The following CACNA1G variants were observed in gnomAD, a reference collection of about 807,000 sequenced individuals.
CACNA1G encodes the protein voltage-dependent T-type calcium channel subunit alpha-1G.
In CACNA1G, 67 loss-of-function variants were observed where a neutral mutation model predicts 219.4. The observed-to-expected ratio is 0.31, with a 90% CI of 0.25 to 0.37. CACNA1G has a LOEUF of 0.37. Among genes scored for constraint, CACNA1G ranks in the 10% least tolerant of loss-of-function variants. CACNA1G has a pLI of 1.00. For missense variants in CACNA1G, 2,380 were observed against 3,231.4 expected (o/e 0.74, Z 6.39); for synonymous variants, 1,296 against 1,345.3 (o/e 0.96, Z 0.80).
intron 1 of CACNA1G, among the ~76,000 whole-genome samples, chr17:50,564,125 A>AGTGTGTGTGTGTGTGTGTGTGTGT (rs67152102): frequency 2.2e-4 from 31 of 138,700 alleles, no homozygotes; most frequent in Admixed American, 7.0e-4. Context: ...CCAGGTAGGA[A>AGTGTGTGTGTGTGTGTGTGTGTGT]GTGTGTGTGT....
intron 19 of CACNA1G, among the ~76,000 whole-genome samples, chr17:50,602,541 C>T (rs1371391039): frequency 1.3e-5 from 2 of 152,210 alleles, no homozygotes; most frequent in Non-Finnish European, 2.9e-5. Flanking sequence ...CACAGCACTG[C>T]AGTGCAGATC....
chr17:50,561,465 C>A lies in CACNA1G; in HGVS notation c.6C>A (p.Asp2Glu). The change falls in exon 1 of 38, where the codon GAC (aspartate) becomes GAA (glutamate). Residue 2 changes from aspartate to glutamate, a missense_variant. This residue lies in a region of CACNA1G where 98 missense variants were observed against 85.5 expected (regional missense o/e 1.15). Transcript: ENST00000359106. ...GGGCCCCGGCTGGCCAGAGGATGGA[C>A]GAGGAGGAGGATGGAGCGGGCGCCG... is the stretch of plus-strand genomic sequence containing the variant. MDEEEDGAGAEE... is the reference protein window; with the variant it reads MEEEEDGAGAEE... 1 of 1,534,330 alleles carries A rather than the reference C, an allele frequency of 6.5e-7. No individual in the cohort carries two copies. Among genetic ancestry groups the A allele is most frequent in the Non-Finnish European group, 8.7e-7 (1 of 1,146,512 alleles).
chr17:50,577,766 T>C (rs1439531835), intron 8 of CACNA1G, among the ~76,000 whole-genome samples: 3 of 152,046 alleles, frequency 2.0e-5, no homozygotes, highest in Non-Finnish European at 4.4e-5. Flanking sequence ...TGCACGTGTC[T>C]GGTGTGGGTG....
At chr17:50,569,472 A>G (rs2144647286) in intron 3 of CACNA1G, among the ~76,000 whole-genome samples, 174 bp downstream of exon 3, 1 of 151,704 alleles carries the variant, frequency 6.6e-6, no homozygotes, top group East Asian at 2.0e-4. Flanking sequence ...CCTATATTCT[A>G]AATTCCAAGG....
intron 28 of CACNA1G, among the ~76,000 whole-genome samples, chr17:50,616,928 C>A (rs1221198105): frequency 6.6e-6 from 1 of 152,156 alleles, no homozygotes; most frequent in Non-Finnish European, 1.5e-5. Flanking sequence ...GCAGCCTTGA[C>A]CTCCTGAGTT....
chr17:50,576,316 A>C lies in CACNA1G; in HGVS notation c.1914A>C (p.Thr638=). 6.4e-7 allele frequency: 1 copy of C among 1,570,972 alleles called. No homozygotes were observed. The highest frequency in any genetic ancestry group is 8.6e-7 in the Non-Finnish European group (1 of 1,158,340). The change falls in exon 8 of 38, where the codon ACA becomes ACC. Residue 638 remains threonine (T), a synonymous_variant. Transcript: ENST00000359106. Reference sequence around the variant, plus strand: ...GCTCCATGCACAAGCTGCTGGAGACACAGAGTACAGGTGAGAACTCTGGGT... The same window carrying C: ...GCTCCATGCACAAGCTGCTGGAGACCCAGAGTACAGGTGAGAACTCTGGGT... ...PYSSMHKLLE[T]QSTGACQSSC...
At chr17:50,592,138 C>T (rs775697732) in intron 13 of CACNA1G, 46 bp downstream of exon 13, 23 of 1,558,504 alleles carry the variant, frequency 1.5e-5, no homozygotes, top group Non-Finnish European at 2.0e-5. Flanking sequence ...AGCAGTCCCA[C>T]TTCCAATTGG....
intron 1 of CACNA1G, among the ~76,000 whole-genome samples, chr17:50,566,138 C>T (rs2037774969): frequency 6.6e-6 from 1 of 152,328 alleles, no homozygotes; most frequent in African/African-American, 2.4e-5. Context: ...AAGACAACAG[C>T]CTCAGTCAGG....
rs2041131106 is a variant in CACNA1G, at chr17:50,578,160, GC to G, written c.1925-26del. 1 of 1,516,850 alleles carries G rather than the reference GC, an allele frequency of 6.6e-7. No individual in the cohort carries two copies. Among genetic ancestry groups the G allele is most frequent in the Non-Finnish European group, 8.8e-7 (1 of 1,134,954 alleles). 94.0% of individuals were successfully genotyped at this position (1,516,850 alleles called of 1,614,324 possible). ...GTAGCCCCAGGTACGAGACTCTGGA[GC>G]CTCTCACCTCTACTCTCCTGTTCCA... is the stretch of plus-strand genomic sequence containing the variant. On this transcript the variant is annotated intron_variant, in intron 8 of 37. Transcript: ENST00000359106. The surrounding 1 kb of genome is among the most constrained non-coding windows in gnomAD (Gnocchi z 4.5).
chr17:50,588,882 T>C (rs2043568733), intron 9 of CACNA1G, among the ~76,000 whole-genome samples: 1 of 152,206 alleles, frequency 6.6e-6, no homozygotes, highest in Non-Finnish European at 1.5e-5. Context: ...TTGTTCCGAG[T>C]CTTTTCACCT....
intron 34 of CACNA1G, among the ~76,000 whole-genome samples, chr17:50,620,809 A>G (rs1046615851): frequency 6.6e-6 from 1 of 152,262 alleles, no homozygotes; most frequent in Non-Finnish European, 1.5e-5. Flanking sequence ...TAGAATGATC[A>G]GTGGGAAAGT....
rs148691244 is a variant in CACNA1G, at chr17:50,612,526, G to A, written c.4759+2591G>A. ...TCACCCTCTTTCCTTCCACCAGGCC[G>A]GGACCCAGTGATCAGGCCTGGCCAC... On this transcript the variant is annotated intron_variant, in intron 26 of 37. Coordinates refer to ENST00000359106, the MANE Select transcript of CACNA1G (RefSeq NM_018896.5). Among the ~76,000 whole-genome samples, 577 of 152,326 alleles carry A rather than the reference G, an allele frequency of 3.8e-3. 6 individuals carry two copies. Among genetic ancestry groups the A allele is most frequent in the African/African-American group, 0.013 (531 of 41,574 alleles).
At chr17:50,579,200 C>T (rs1241213387) in intron 9 of CACNA1G, among the ~76,000 whole-genome samples, 1 of 152,076 alleles carries the variant, frequency 6.6e-6, no homozygotes, top group Non-Finnish European at 1.5e-5. Context: ...ATTCTAAGAA[C>T]CGGGATGTTT....
In CACNA1G at chr17:50,560,824, T is replaced by TGCG. The variant is rs1340540521; in HGVS notation, c.-627_-625dup. On this transcript the variant is annotated 5_prime_UTR_variant, in exon 1 of 38. Transcript: ENST00000359106. Reference sequence around the variant, plus strand: ...CGGCAGCGGCAGCCACCGCGGCGGCTGCGGCGGCGGCATCTCCGCCTCCAC... The same window carrying TGCG: ...CGGCAGCGGCAGCCACCGCGGCGGCTGCGGCGGCGGCGGCATCTCCGCCTCCAC... Among the ~76,000 whole-genome samples, 1 of 152,030 alleles carries TGCG rather than the reference T, an allele frequency of 6.6e-6. No individual in the cohort carries two copies. The highest frequency in any genetic ancestry group is 6.5e-5 in the Admixed American group (1 of 15,276).
intron 9 of CACNA1G, among the ~76,000 whole-genome samples, chr17:50,589,747 G>A (rs2043801972): frequency 6.6e-6 from 1 of 152,224 alleles, no homozygotes; most frequent in South Asian, 2.1e-4. Flanking sequence ...CACAGAGTGA[G>A]TGACAGGATA....
intron 9 of CACNA1G, among the ~76,000 whole-genome samples, chr17:50,587,127 C>T (rs961601581): frequency 1.3e-5 from 2 of 152,118 alleles, no homozygotes; most frequent in Non-Finnish European, 2.9e-5. Flanking sequence ...AGTTTGTGTG[C>T]TCTCTGTGTG....
chr17:50,607,581 C>G lies in CACNA1G; in HGVS notation c.4513-246C>G, dbSNP rs1598583458. On this transcript the variant is annotated intron_variant, in intron 24 of 37. Coordinates refer to ENST00000359106, the MANE Select transcript of CACNA1G (RefSeq NM_018896.5). ...AGTCTGAAGATCTGGGAAGACTGGGCTTGCATTCCCTCAAGGCAGGAGTCA... is the reference window on the plus strand; with the variant it reads ...AGTCTGAAGATCTGGGAAGACTGGGGTTGCATTCCCTCAAGGCAGGAGTCA... The G allele has an allele frequency of 1.0e-5, 5 of 500,572 alleles. No homozygotes were observed. The East Asian group carries it at 1.7e-4, about 17-fold the overall frequency. 31.0% of individuals were successfully genotyped at this position (500,572 alleles called of 1,614,324 possible).
Position 50,591,993 on chromosome 17 carries a change from G to A in CACNA1G, c.2811G>A (p.Ser937=), listed in dbSNP as rs753205197. The change falls in exon 13 of 38, where the codon TCG becomes TCA. Residue 937 remains serine, a synonymous_variant. Coordinates refer to ENST00000359106, the MANE Select transcript of CACNA1G (RefSeq NM_018896.5). ...TCTACAATGGTATGGCCTCCACGTCGTCCTGGGCGGCCCTTTATTTCATTG... is the reference window on the plus strand; with the variant it reads ...TCTACAATGGTATGGCCTCCACGTCATCCTGGGCGGCCCTTTATTTCATTG... ...KVLYNGMAST[S]SWAALYFIAL... 62 of 1,613,828 alleles carry A rather than the reference G, an allele frequency of 3.8e-5. No individual in the cohort carries two copies. Among genetic ancestry groups the A allele is most frequent in the East Asian group, 1.3e-4 (6 of 44,900 alleles).
rs746516203 is a variant in CACNA1G, at chr17:50,606,879, CCTT to C, written c.4423-18_4423-16del. 6.3e-7 allele frequency: 1 copy of C among 1,586,182 alleles called. No homozygotes were observed. The highest frequency in any genetic ancestry group is 1.1e-5 in the South Asian group (1 of 90,186). ...CACACATCCTAGACTTCAAATGTCTCCTTCTCCTCCTCCCCATCAGGCCCTGAT... is the reference window on the plus strand; with the variant it reads ...CACACATCCTAGACTTCAAATGTCTCCTCCTCCTCCCCATCAGGCCCTGAT... On this transcript the variant is annotated intron_variant, in intron 23 of 37. Coordinates refer to ENST00000359106, the MANE Select transcript of CACNA1G (RefSeq NM_018896.5).
Sources: allele counts gnomAD v4.1 joint callset (sites outside exome capture counted in the v4.1 genomes callset), GRCh38; gene constraint gnomAD v4.1.1; regional missense constraint gnomAD v4.1.1; non-coding constraint Gnocchi (gnomAD v3.1); transcripts MANE v1.5; gene names NCBI Gene and HGNC (gene_info 2026-07-23, HGNC 2026-07-21).